Variants in VPS13B observed in about 807,000 individuals in gnomAD.
VPS13B encodes the protein vacuolar protein sorting 13 homolog B.
Under a neutral mutation model 426.4 loss-of-function variants are expected in VPS13B, and 285 were observed. The observed-to-expected ratio is 0.67, with a 90% CI of 0.61 to 0.74. VPS13B has a LOEUF of 0.74. Ranked by LOEUF, VPS13B falls within the 30% of genes least tolerant of loss-of-function variation. The pLI is 0.00. For missense variants in VPS13B, 4,537 were observed against 4,782.6 expected (o/e 0.95, Z 1.51); for synonymous variants, 1,676 against 1,676.4 (o/e 1.00, Z 0.01).
chr8:99,467,377 T>C (rs1012361527), intron 23 of VPS13B, 37 bp from the exon 24 acceptor site: 1 of 1,580,976 alleles, frequency 6.3e-7, no homozygotes, highest in African/African-American at 1.3e-5. Context: ...TCTTTTTGTT[T>C]GTGTGCTTCC....
intron 31 of VPS13B, among the ~76,000 whole-genome samples, chr8:99,568,293 A>AT (rs1825289565): frequency 1.0e-5 from 1 of 99,252 alleles, no homozygotes; most frequent in African/African-American, 3.5e-5. Flanking sequence ...TATTATTATT[A>AT]TTATTATTTT....
rs142380266 is a variant in VPS13B at position 99,575,697 on chromosome 8, C to A, written c.4989C>A (p.Pro1663=). The A allele has an allele frequency of 8.1e-5, 131 of 1,613,816 alleles. No individual in the cohort carries two copies. The African/African-American group carries it at 1.3e-3, about 15-fold the overall frequency. ...AAGAAAGGAGAGCAATTTTGACCCC[C>A]GTTTTGACAGATTTTTCTGTCCGAA... is the stretch of plus-strand genomic sequence containing the variant. ...RHQERRAILT[P]VLTDFSVRIT... Residue 1663 remains proline (P), a synonymous_variant, in exon 32 of 62, where the codon CCC becomes CCA. Coordinates refer to ENST00000357162, the MANE Select transcript of VPS13B (RefSeq NM_152564.5).
intron 17 of VPS13B, among the ~76,000 whole-genome samples, chr8:99,247,054 T>C (rs1393300537): frequency 1.3e-5 from 2 of 152,178 alleles, no homozygotes; most frequent in Non-Finnish European, 2.9e-5. Flanking sequence ...ACCCCTAATA[T>C]AGTTAATTTT....
intron 61 of VPS13B, among the ~76,000 whole-genome samples, chr8:99,872,568 G>A (rs1463308350): frequency 6.6e-6 from 1 of 152,210 alleles, no homozygotes; most frequent in African/African-American, 2.4e-5. Flanking sequence ...AAAAACAGGT[G>A]CACCCACTGG....
intron 36 of VPS13B, among the ~76,000 whole-genome samples, chr8:99,716,147 T>A (rs545626048): frequency 2.0e-5 from 3 of 152,138 alleles, no homozygotes; most frequent in African/African-American, 7.2e-5. Context: ...CTAACACTTT[T>A]GTGGGTGTGA....
intron 19 of VPS13B, among the ~76,000 whole-genome samples, chr8:99,283,064 A>G (rs925866105): frequency 3.9e-5 from 6 of 152,308 alleles, no homozygotes; most frequent in East Asian, 3.9e-4. Flanking sequence ...GGTTGGTTAG[A>G]ATATATTGTT....
rs1398454671 is a variant in VPS13B, at chr8:99,876,438, A to ACTT, written c.*773_*775dup. ...TCTTCCAGTTTGTTTTACTAAGCAA[A>ACTT]CTTTGAGTAAATCCTTTGTCCTATA... On this transcript the variant is annotated 3_prime_UTR_variant, in exon 62 of 62. Transcript: ENST00000357162. 3 of 152,416 alleles carry ACTT rather than the reference A, an allele frequency of 2.0e-5. No individual in the cohort carries two copies. Among genetic ancestry groups the ACTT allele is most frequent in the African/African-American group, 4.8e-5 (2 of 41,566 alleles). 9.4% of individuals were successfully genotyped at this position (152,416 alleles called of 1,614,324 possible). A position where few individuals can be genotyped will look rare whatever the true frequency, so the allele number is the denominator to read the frequency against.
intron 12 of VPS13B, among the ~76,000 whole-genome samples, chr8:99,137,496 T>C (rs901715533): frequency 6.6e-6 from 1 of 151,908 alleles, no homozygotes; most frequent in Non-Finnish European, 1.5e-5. Flanking sequence ...ACGTAGCATG[T>C]TAAGAAGAGT....
chr8:99,412,158 A>G (rs949539304), intron 21 of VPS13B, among the ~76,000 whole-genome samples: 6 of 152,086 alleles, frequency 3.9e-5, no homozygotes, highest in African/African-American at 9.7e-5. Flanking sequence ...CATTTTTGTG[A>G]TATTGATTCC....
chr8:99,322,177 T>G (rs1810018409), intron 19 of VPS13B, among the ~76,000 whole-genome samples: 1 of 152,220 alleles, frequency 6.6e-6, no homozygotes, highest in Non-Finnish European at 1.5e-5. Flanking sequence ...CTAGAGCCAT[T>G]TGTAATTGAC....
In VPS13B at chr8:99,030,454, G is replaced by A. The variant is rs527422064; in HGVS notation, c.148-7969G>A. ...GTATGTCTAAATTGTCCCAGTATGA[G>A]TGAGTGAGTGTGTGTGTGTGTGTGT... On this transcript the variant is annotated intron_variant, in intron 2 of 61. Transcript: ENST00000357162. Among the ~76,000 whole-genome samples the A allele has an allele frequency of 8.2e-3, 818 of 99,384 alleles. 6 individuals are homozygous for A. The highest frequency in any genetic ancestry group is 0.027 in the African/African-American group (768 of 27,946). 65.2% of individuals were successfully genotyped at this position (99,384 alleles called of 152,430 possible). A position where few individuals can be genotyped will look rare whatever the true frequency, so the allele number is the denominator to read the frequency against.
intron 3 of VPS13B, among the ~76,000 whole-genome samples, chr8:99,039,684 T>TAAA (rs1309569563): frequency 6.6e-5 from 10 of 152,254 alleles, no homozygotes; most frequent in African/African-American, 2.4e-4. Context: ...AATGTAACTT[T>TAAA]AATCTTTGTG....
intron 39 of VPS13B, among the ~76,000 whole-genome samples, chr8:99,737,168 T>TGGA (rs1833874247): frequency 8.4e-6 from 1 of 119,520 alleles, no homozygotes; most frequent in Non-Finnish European, 1.6e-5. Flanking sequence ...TCGCCCAGGC[T>TGGA]GGAGTGCAGG....
intron 33 of VPS13B, among the ~76,000 whole-genome samples, chr8:99,585,100 G>A (rs572956957): frequency 1.3e-3 from 195 of 152,242 alleles, no homozygotes; most frequent in African/African-American, 4.3e-3. Context: ...ATAAAAAATA[G>A]TTTCAACATG....
intron 33 of VPS13B, 42 bp from the exon 34 acceptor site, chr8:99,641,769 C>G: frequency 6.4e-7 from 1 of 1,554,646 alleles, no homozygotes; most frequent in Non-Finnish European, 8.8e-7. Context: ...TGACACTTGG[C>G]ATGTAACTAG....
At chr8:99,167,570 T>C (rs918477784) in intron 15 of VPS13B, among the ~76,000 whole-genome samples, 1 of 152,088 alleles carries the variant, frequency 6.6e-6, no homozygotes, top group East Asian at 1.9e-4. Flanking sequence ...TAATTTATGA[T>C]AATTTTTGGC....
At chr8:99,427,295 C>A (rs1272909692) in intron 21 of VPS13B, among the ~76,000 whole-genome samples, 1 of 113,584 alleles carries the variant, frequency 8.8e-6, no homozygotes, top group Non-Finnish European at 1.8e-5. Context: ...GTACCAGTAC[C>A]ATGCTGTTTT....
At chr8:99,780,240 GT>G (rs1056805898) in intron 42 of VPS13B, among the ~76,000 whole-genome samples, 1 of 152,000 alleles carries the variant, frequency 6.6e-6, no homozygotes, top group Non-Finnish European at 1.5e-5. Context: ...TCCAATTTCT[GT>G]TTTTTGGTTG....
intron 4 of VPS13B, among the ~76,000 whole-genome samples, chr8:99,099,326 A>C (rs1416281851): frequency 6.6e-6 from 1 of 152,210 alleles, no homozygotes; most frequent in African/African-American, 2.4e-5. Context: ...CTGATGCTAC[A>C]TAATGCTCAA....
Sources: allele counts gnomAD v4.1 joint callset (sites outside exome capture counted in the v4.1 genomes callset), GRCh38; gene constraint gnomAD v4.1.1; transcripts MANE v1.5; gene names NCBI Gene and HGNC (gene_info 2026-07-23, HGNC 2026-07-21).